The following MGST1 variants were observed in gnomAD, a reference collection of about 807,000 sequenced individuals.
The protein encoded by MGST1 is microsomal glutathione S-transferase 1, also known as glutathione S-transferase 12.
Under a neutral mutation model 8.9 loss-of-function variants are expected in MGST1, and 5 were observed. That is an observed-to-expected ratio of 0.56 (90% confidence interval 0.29 to 1.19). The LOEUF (loss-of-function observed/expected upper bound fraction) is 1.19. Ranked by LOEUF, MGST1 falls within the 50% of genes most tolerant of loss-of-function variation. The pLI, the probability that MGST1 is intolerant of heterozygous loss-of-function variation, is 0.08. For synonymous variants in MGST1, 54 were observed against 67.8 expected (o/e 0.80, Z 1.00); for missense variants, 182 against 187.4 (o/e 0.97, Z 0.17).
chr12:16,395,359 C>T (rs767912311), intron 1 of MGST1, among the ~76,000 whole-genome samples: 9 of 152,024 alleles, frequency 5.9e-5, no homozygotes, highest in Admixed American at 2.0e-4. Flanking sequence ...TTGATCTATG[C>T]GTTAACCCAG....
chr12:16,528,956 T>C (rs1941705722), intron 4 of MGST1, among the ~76,000 whole-genome samples: 1 of 152,032 alleles, frequency 6.6e-6, no homozygotes, highest in South Asian at 2.1e-4. Flanking sequence ...ACTTACTTTG[T>C]TAGAAGATGA....
At chr12:16,592,889 A>G (rs535341166), downstream of MGST1, among the ~76,000 whole-genome samples, 1 of 152,028 alleles carries the variant, frequency 6.6e-6, no homozygotes, top group African/African-American at 2.4e-5. Flanking sequence ...GTAAATAAAC[A>G]TCTCTGTTAG....
Position 16,401,121 on chromosome 12 carries a change from G to C in MGST1, n.778+17517G>C. On this transcript the variant is annotated intron_variant and non_coding_transcript_variant, in intron 1 of 1. Coordinates refer to the MGST1 transcript ENST00000359720. The surrounding 1 kb of genome is among the most constrained non-coding windows in gnomAD (Gnocchi z 4.3). ...CCTCCTCCTCCTTTTCCTCATCTTC[G>C]TTCCTTAGGAAAATACCCACATTCT... 6.3e-7 allele frequency: 1 copy of C among 1,576,496 alleles called. No individual in the cohort carries two copies. Among genetic ancestry groups the C allele is most frequent in the Non-Finnish European group, 8.7e-7 (1 of 1,146,692 alleles).
chr12:16,565,012 AC>A lies in MGST1; in HGVS notation n.483-24515del, dbSNP rs1942547170. Among the ~76,000 whole-genome samples the A allele has an allele frequency of 2.0e-5, 3 of 152,062 alleles. No homozygotes were observed. The South Asian group carries it at 6.2e-4, about 32-fold the overall frequency. On this transcript the variant is annotated intron_variant and non_coding_transcript_variant, in intron 4 of 4. Coordinates refer to the MGST1 transcript ENST00000538857. ...TCTCTGTTGCCCAGGCTGAACTCAC[AC>A]TCTTGGGCTGAAGCCATCCTCCCAA... is the stretch of plus-strand genomic sequence containing the variant.
chr12:16,403,816 T>C (rs1322969377), intron 1 of MGST1, among the ~76,000 whole-genome samples: 4 of 152,028 alleles, frequency 2.6e-5, no homozygotes, highest in African/African-American at 9.7e-5. Flanking sequence ...AAGAGCCCCT[T>C]ATAAAATCAC....
chr12:16,431,086 A>G (rs1325466543), intron 1 of MGST1, among the ~76,000 whole-genome samples: 1 of 152,212 alleles, frequency 6.6e-6, no homozygotes, highest in Non-Finnish European at 1.5e-5. Flanking sequence ...CTCATGAACT[A>G]GTTCTGCTAG....
At chr12:16,377,805 C>T (rs1037434361), downstream of MGST1, among the ~76,000 whole-genome samples, 7 of 151,424 alleles carry the variant, frequency 4.6e-5, no homozygotes, top group African/African-American at 1.5e-4. Context: ...TCTCCAGCAC[C>T]TGTTGTTTCC....
At chr12:16,526,630 G>C (rs1270017095) in intron 4 of MGST1, among the ~76,000 whole-genome samples, 1 of 152,030 alleles carries the variant, frequency 6.6e-6, no homozygotes, top group East Asian at 1.9e-4. Flanking sequence ...CCAAGGTCTT[G>C]CCATAAAGGA....
At chr12:16,354,421 G>A (rs1342388210) in intron 2 of MGST1, 43 bp downstream of exon 2, 2 of 1,560,306 alleles carry the variant, frequency 1.3e-6, no homozygotes, top group Non-Finnish European at 1.7e-6. Context: ...TTAAGAGTTG[G>A]AATTCTGGAG....
At chr12:16,514,007 T>C (rs989841525) in intron 4 of MGST1, 6 of 429,162 alleles carry the variant, frequency 1.4e-5, no homozygotes, top group East Asian at 5.1e-5. Context: ...CTTCTTCTTC[T>C]GCATGCTTGC....
At chr12:16,489,168 A>G (rs988094318) in intron 4 of MGST1, among the ~76,000 whole-genome samples, 2 of 152,198 alleles carry the variant, frequency 1.3e-5, no homozygotes, top group African/African-American at 4.8e-5. Context: ...GAACAAATAA[A>G]TGAGTCATTT....
chr12:16,492,607 A>C (rs978992658), intron 4 of MGST1, among the ~76,000 whole-genome samples: 1 of 152,142 alleles, frequency 6.6e-6, no homozygotes, highest in African/African-American at 2.4e-5. Flanking sequence ...ACCAATTTTC[A>C]TATTGTTTAA....
rs1002390334 is a variant in MGST1 at position 16,497,128 on chromosome 12, C to A, written n.483-92400C>A. ...ATGCCAGAAGGGAAAAGATGAGAACCACTGAATCTGCATCCTTTGCTGTCG... is the reference window on the plus strand; with the variant it reads ...ATGCCAGAAGGGAAAAGATGAGAACAACTGAATCTGCATCCTTTGCTGTCG... On this transcript the variant is annotated intron_variant and non_coding_transcript_variant, in intron 4 of 4. Coordinates refer to the MGST1 transcript ENST00000538857. The surrounding 1 kb of genome is among the most constrained non-coding windows in gnomAD (Gnocchi z 4.4). Among the ~76,000 whole-genome samples the A allele has an allele frequency of 6.6e-6, 1 of 152,034 alleles. No individual in the cohort carries two copies. Among genetic ancestry groups the A allele is most frequent in the East Asian group, 1.9e-4 (1 of 5,184 alleles).
chr12:16,455,091 G>A (rs1354980941), intron 4 of MGST1, among the ~76,000 whole-genome samples: 1 of 151,790 alleles, frequency 6.6e-6, no homozygotes, highest in Admixed American at 6.6e-5. Context: ...GAAAACTTTG[G>A]AATTGACAGT....
rs778887793 is a variant in MGST1 at position 16,354,282 on chromosome 12, TGAA to T, written c.32_34del (p.Glu11del). 1 of 1,606,812 alleles carries T rather than the reference TGAA, an allele frequency of 6.2e-7. No individual in the cohort carries two copies. The highest frequency in any genetic ancestry group is 8.5e-7 in the Non-Finnish European group (1 of 1,177,918). On this transcript the variant is annotated inframe_deletion, in exon 2 of 4. Transcript: ENST00000396210. ...TTGACCTCACCCAGGTAATGGATGA[TGAA>T]GTATTCATGGCTTTTGCATCCTATG... is the stretch of plus-strand genomic sequence containing the variant.
Position 16,582,868 on chromosome 12 carries a change from C to T in MGST1, n.483-6660C>T, listed in dbSNP as rs112121099. ...TTCGAGACCAGCCTGGCCAACATGG[C>T]GAAACCCCGTCTCTACTAAAATAAA... On this transcript the variant is annotated intron_variant and non_coding_transcript_variant, in intron 4 of 4. Transcript: ENST00000538857. This position sits in a 1 kb window ranked among gnomAD's most constrained non-coding sequence, Gnocchi z 4.1. 1.4e-3 allele frequency among the ~76,000 whole-genome samples: 210 copies of T among 151,762 alleles called. No homozygotes were observed. The highest frequency in any genetic ancestry group is 0.01 in the Middle Eastern group (3 of 292).
intron 4 of MGST1, among the ~76,000 whole-genome samples, chr12:16,524,813 A>G (rs574267647): frequency 1.3e-5 from 2 of 152,210 alleles, no homozygotes; most frequent in African/African-American, 2.4e-5. Flanking sequence ...GCATATTCAT[A>G]CCATAATTAT....
intron 4 of MGST1, among the ~76,000 whole-genome samples, chr12:16,516,407 A>G (rs974955397): frequency 2.0e-5 from 3 of 152,168 alleles, no homozygotes; most frequent in African/African-American, 7.2e-5. Context: ...GACCTGAGAG[A>G]ATAGGTAATG....
chr12:16,359,494 T>C (rs991846029), intron 3 of MGST1, among the ~76,000 whole-genome samples: 1 of 152,154 alleles, frequency 6.6e-6, no homozygotes, highest in South Asian at 2.1e-4. Context: ...CAGTGAGTCT[T>C]GAGAATGGGT....
Sources: gnomAD v4.1 joint callset for allele counts (sites outside exome capture counted in the v4.1 genomes callset) on GRCh38, gnomAD v4.1.1 for gene constraint, Gnocchi (gnomAD v3.1) non-coding constraint, MANE v1.5 for transcripts, NCBI Gene and HGNC (gene_info 2026-07-23, HGNC 2026-07-21) for gene names.